The following ACOXL variants were observed in gnomAD, a reference collection of about 807,000 sequenced individuals.
The protein encoded by ACOXL is acyl-coenzyme A oxidase-like protein.
In ACOXL, 70 loss-of-function variants were observed where a neutral mutation model predicts 71.9. That is an observed-to-expected ratio of 0.97 (90% CI 0.80 to 1.19). ACOXL has a LOEUF of 1.19. Among genes scored for constraint, ACOXL ranks in the 50% most tolerant of loss-of-function variants. The pLI, the probability that ACOXL is intolerant of heterozygous loss-of-function variation, is 0.00. For missense variants in ACOXL, 703 were observed against 736.3 expected, an observed-to-expected ratio of 0.95 and a Z score of 0.52; for synonymous variants, 253 against 281.6, an observed-to-expected ratio of 0.90 and a Z score of 1.02.
chr2:110,738,012 G>A (rs1677075952), intron 1 of ACOXL, among the ~76,000 whole-genome samples: 1 of 152,232 alleles, frequency 6.6e-6, no homozygotes, highest in Non-Finnish European at 1.5e-5. Flanking sequence ...AGATGACAGT[G>A]TGACAGTTTC....
intron 16 of ACOXL, among the ~76,000 whole-genome samples, chr2:111,086,202 A>G (rs953548986): frequency 6.6e-6 from 1 of 152,186 alleles, no homozygotes; most frequent in Non-Finnish European, 1.5e-5. Flanking sequence ...CACCTCCCCA[A>G]CTCATTCTAT....
chr2:110,969,928 A>G (rs748735443), intron 12 of ACOXL, among the ~76,000 whole-genome samples: 3 of 152,214 alleles, frequency 2.0e-5, no homozygotes, highest in African/African-American at 2.4e-5. Flanking sequence ...AACAAAGTTG[A>G]AACAGACAAA....
chr2:110,843,874 G>C (rs1691478672), intron 10 of ACOXL, among the ~76,000 whole-genome samples: 1 of 152,234 alleles, frequency 6.6e-6, no homozygotes, highest in African/African-American at 2.4e-5. Context: ...ATCTCAGTAA[G>C]TGGGAGAAGT....
At chr2:110,748,221 T>A (rs1028742468) in intron 1 of ACOXL, among the ~76,000 whole-genome samples, 1 of 152,172 alleles carries the variant, frequency 6.6e-6, no homozygotes, top group African/African-American at 2.4e-5. Flanking sequence ...GGATTCTTCC[T>A]ACTTAGCGTG....
chr2:111,004,859 T>C (rs2063799482), intron 14 of ACOXL, among the ~76,000 whole-genome samples: 1 of 152,188 alleles, frequency 6.6e-6, no homozygotes, highest in African/African-American at 2.4e-5. Context: ...TAGCAGCCAC[T>C]CTGTGTTTGT....
chr2:110,913,187 A>G (rs1387564692), intron 11 of ACOXL, among the ~76,000 whole-genome samples: 1 of 152,224 alleles, frequency 6.6e-6, no homozygotes, highest in Non-Finnish European at 1.5e-5. Flanking sequence ...TTTGGAAAAC[A>G]GCTTGGCAGT....
chr2:111,071,630 A>G (rs1222258817), intron 16 of ACOXL, among the ~76,000 whole-genome samples: 1 of 152,170 alleles, frequency 6.6e-6, no homozygotes, highest in Non-Finnish European at 1.5e-5. Context: ...AGCTGTTCTG[A>G]TATCACGCTG....
In ACOXL at chr2:110,975,142, A is replaced by G. The variant is rs184815125; in HGVS notation, c.1060-11966A>G. 2.6e-5 allele frequency among the ~76,000 whole-genome samples: 4 copies of G among 152,340 alleles called. 1 individual carries two copies. The highest frequency in any genetic ancestry group is 2.6e-4 in the Admixed American group (4 of 15,308). On this transcript the variant is annotated intron_variant, in intron 12 of 17. Transcript: ENST00000439055. The stretch of plus-strand genomic sequence containing the variant: ...AAGAGACCAAGCACATATCTGTTTT[A>G]CTATAAGAAAGCTGATTCCTTAGGG...
chr2:110,757,969 G>T (rs568300450), intron 1 of ACOXL, among the ~76,000 whole-genome samples: 1 of 152,170 alleles, frequency 6.6e-6, no homozygotes, highest in Admixed American at 6.5e-5. Context: ...CTTTGCCCAT[G>T]CCTATGTCCT....
At chr2:110,772,467 G>A (rs781365518) in intron 2 of ACOXL, among the ~76,000 whole-genome samples, 1 of 152,162 alleles carries the variant, frequency 6.6e-6, no homozygotes, top group African/African-American at 2.4e-5. Flanking sequence ...ATCAGGGCTT[G>A]TGGGTGGCTC....
At chr2:111,039,826 C>A (rs2065690966) in intron 15 of ACOXL, among the ~76,000 whole-genome samples, 1 of 152,152 alleles carries the variant, frequency 6.6e-6, no homozygotes, top group African/African-American at 2.4e-5. Context: ...CTAACCAGTT[C>A]TTTCTGTGAG....
intron 10 of ACOXL, among the ~76,000 whole-genome samples, chr2:110,907,260 A>G (rs887086227): frequency 2.6e-5 from 4 of 152,064 alleles, no homozygotes; most frequent in African/African-American, 7.2e-5. Flanking sequence ...TTTTCTTTTT[A>G]TAAGGCCACC....
chr2:110,971,638 G>A (rs140085846), intron 12 of ACOXL, among the ~76,000 whole-genome samples: 4 of 152,312 alleles, frequency 2.6e-5, no homozygotes, highest in African/African-American at 7.2e-5. Context: ...CTTAAAAAGT[G>A]TATTAGAATG....
chr2:110,928,219 G>A (rs1260004314), intron 11 of ACOXL, among the ~76,000 whole-genome samples: 1 of 152,190 alleles, frequency 6.6e-6, no homozygotes, highest in African/African-American at 2.4e-5. Flanking sequence ...ACACATTCAA[G>A]TTCTTGCCAT....
At chr2:110,938,290 G>A (rs2060739452) in intron 12 of ACOXL, among the ~76,000 whole-genome samples, 1 of 152,176 alleles carries the variant, frequency 6.6e-6, no homozygotes, top group Non-Finnish European at 1.5e-5. Flanking sequence ...GGATGCAGGG[G>A]AGGAAAGGAA....
intron 12 of ACOXL, among the ~76,000 whole-genome samples, chr2:110,946,624 C>T (rs560966947): frequency 1.3e-5 from 2 of 152,268 alleles, no homozygotes; most frequent in East Asian, 3.9e-4. Context: ...ATAGTAGAGT[C>T]CTCCTTAATG....
chr2:110,973,934 G>C (rs570591919), intron 12 of ACOXL, among the ~76,000 whole-genome samples: 3 of 152,160 alleles, frequency 2.0e-5, no homozygotes, highest in Non-Finnish European at 4.4e-5. Flanking sequence ...ACATAGCTTA[G>C]TGCTGGGGAG....
At chr2:111,056,047 TGAA>T (rs1421065231) in intron 16 of ACOXL, among the ~76,000 whole-genome samples, 2 of 152,136 alleles carry the variant, frequency 1.3e-5, no homozygotes, top group Admixed American at 1.3e-4. Context: ...CTGGCTCACT[TGAA>T]GAGTATATTC....
intron 14 of ACOXL, among the ~76,000 whole-genome samples, chr2:111,017,291 G>A (rs547834222): frequency 1.3e-5 from 2 of 152,224 alleles, no homozygotes; most frequent in African/African-American, 4.8e-5. Context: ...ACAGACATTT[G>A]TTGAGTTCCT....
Sources: gnomAD v4.1 joint callset for allele counts (sites outside exome capture counted in the v4.1 genomes callset) on GRCh38, gnomAD v4.1.1 for gene constraint, MANE v1.5 for transcripts, NCBI Gene and HGNC (gene_info 2026-07-23, HGNC 2026-07-21) for gene names.